Variants in CDH18 observed in about 807,000 individuals in gnomAD.
The protein encoded by CDH18 is cadherin 18.
In CDH18, 31 loss-of-function variants were observed where a neutral mutation model predicts 67.9. The ratio of observed to expected loss-of-function variants is 0.46; its 90% CI spans 0.34 to 0.62. The LOEUF (loss-of-function observed/expected upper bound fraction) is 0.62, where lower values mean the gene tolerates loss of function less well. CDH18 is among the 20% of genes least tolerant of loss of function. The probability of loss-of-function intolerance (pLI) is 0.01; values close to 1 mark genes in which losing one functional copy is unlikely to be tolerated. For synonymous variants in CDH18, 362 were observed against 347.2 expected (o/e 1.04, Z -0.48); for missense variants, 890 against 975.5 (o/e 0.91, Z 1.17).
intron 2 of CDH18, among the ~76,000 whole-genome samples, chr5:20,142,815 A>G (rs1750350870): frequency 6.6e-6 from 1 of 152,156 alleles, no homozygotes. Flanking sequence ...GAAACCAACC[A>G]TGCCAATATC....
At chr5:19,493,537 GGTGTGT>G (rs67879363) in intron 11 of CDH18, among the ~76,000 whole-genome samples, 64 of 147,996 alleles carry the variant, frequency 4.3e-4, no homozygotes, top group East Asian at 3.4e-3. Context: ...AGGGAATTGG[GGTGTGT>G]GTGTGTGTGT....
intron 1 of CDH18, among the ~76,000 whole-genome samples, chr5:20,503,924 G>C (rs532298792): frequency 6.6e-6 from 1 of 152,020 alleles, no homozygotes; most frequent in African/African-American, 2.4e-5. Context: ...TGTAGTCCCA[G>C]CTACTCAGGA....
chr5:19,996,148 T>C (rs1035392043), intron 2 of CDH18, among the ~76,000 whole-genome samples: 5 of 152,158 alleles, frequency 3.3e-5, no homozygotes, highest in South Asian at 2.1e-4. Flanking sequence ...AATGTGCATT[T>C]ATGCCCATTC....
intron 8 of CDH18, among the ~76,000 whole-genome samples, chr5:19,558,509 T>C (rs1404156502): frequency 6.6e-6 from 1 of 152,004 alleles, no homozygotes; most frequent in Non-Finnish European, 1.5e-5. Context: ...TAGGCTATTA[T>C]GAACAACTTT....
intron 1 of CDH18, among the ~76,000 whole-genome samples, chr5:20,503,255 T>A (rs2126452142): frequency 6.6e-6 from 1 of 151,798 alleles, no homozygotes; most frequent in South Asian, 2.1e-4. Flanking sequence ...TTTTTTTACA[T>A]TTTCCCAGCA....
chr5:19,747,280 A>C, intron 3 of CDH18, 44 bp from the exon 4 acceptor site: 1 of 1,501,068 alleles, frequency 6.7e-7, no homozygotes, highest in Non-Finnish European at 9.2e-7. Context: ...TTTATATTCC[A>C]ACCTCACATT....
intron 2 of CDH18, among the ~76,000 whole-genome samples, chr5:20,242,641 T>C (rs1453380024): frequency 1.3e-4 from 18 of 135,738 alleles, no homozygotes; most frequent in African/African-American, 5.5e-4. Context: ...TATGTATATA[T>C]ATATATATAT....
At chr5:19,805,211 G>A (rs1360069147) in intron 3 of CDH18, among the ~76,000 whole-genome samples, 1 of 152,082 alleles carries the variant, frequency 6.6e-6, no homozygotes, top group Non-Finnish European at 1.5e-5. Context: ...GCCTCCCAAA[G>A]TATTGGGATC....
Position 20,028,597 on chromosome 5 carries a change from A to G in CDH18, c.-517-36583T>C, listed in dbSNP as rs148139545. ...CAGGGGATGTATTCCAAGACCCCCA[A>G]TGGATGCCTGAAACCTCAGATAGTT... On this transcript the variant is annotated intron_variant, in intron 2 of 14. Transcript: ENST00000507958. Among the ~76,000 whole-genome samples the G allele has an allele frequency of 5.9e-5, 9 of 152,260 alleles. 1 individual carries two copies. In the East Asian group the frequency reaches 9.7e-4, roughly 16 times the overall value.
At chr5:20,094,061 T>C (rs1745672127) in intron 2 of CDH18, among the ~76,000 whole-genome samples, 1 of 152,094 alleles carries the variant, frequency 6.6e-6, no homozygotes, top group Non-Finnish European at 1.5e-5. Context: ...GACAAGGTCC[T>C]AGGAAATATC....
At chr5:19,505,608 G>A (rs891191788) in intron 10 of CDH18, among the ~76,000 whole-genome samples, 2 of 151,914 alleles carry the variant, frequency 1.3e-5, no homozygotes, top group African/African-American at 4.8e-5. Flanking sequence ...CTGTTTATAT[G>A]CTGGATTAGC....
chr5:20,193,075 C>T (rs10036040), intron 2 of CDH18, among the ~76,000 whole-genome samples: 108,105 of 151,886 alleles, frequency 0.71, 39,462 homozygotes, highest in African/African-American at 0.89. Context: ...CATCTGTTGT[C>T]AGCTGTATTC....
chr5:20,229,199 A>ATT (rs1368508800), intron 2 of CDH18, among the ~76,000 whole-genome samples: 24 of 152,100 alleles, frequency 1.6e-4, no homozygotes, highest in Admixed American at 1.6e-3. Context: ...CAGATTGTTG[A>ATT]TTTAAAAGCC....
At position 20,261,746 on chromosome 5, in the gene CDH18, A is replaced by G. The variant is rs966157269; in HGVS notation, c.-579-6241T>C. Among the ~76,000 whole-genome samples the G allele has an allele frequency of 2.6e-5, 4 of 152,136 alleles. No individual in the cohort carries two copies. In the South Asian group the frequency reaches 6.2e-4, roughly 24 times the overall value. ...ACTCCGTTTAAAAAAAAAAAATGAT[A>G]GAGAAAAATAGTTATATTCTGTGTG... On this transcript the variant is annotated intron_variant, in intron 1 of 14. Coordinates refer to the CDH18 transcript ENST00000507958.
chr5:20,147,570 G>A (rs1002164841), intron 2 of CDH18, among the ~76,000 whole-genome samples: 4 of 152,078 alleles, frequency 2.6e-5, no homozygotes, highest in Non-Finnish European at 4.4e-5. Flanking sequence ...CAATGGCAAC[G>A]ATACATAAAT....
intron 1 of CDH18, among the ~76,000 whole-genome samples, chr5:20,458,676 A>C (rs1396216140): frequency 6.6e-6 from 1 of 152,180 alleles, no homozygotes; most frequent in African/African-American, 2.4e-5. Flanking sequence ...ATTTTATAAA[A>C]GGTTTTACAT....
intron 1 of CDH18, among the ~76,000 whole-genome samples, chr5:20,503,061 T>C (rs1219155806): frequency 6.6e-6 from 1 of 152,162 alleles, no homozygotes; most frequent in Non-Finnish European, 1.5e-5. Flanking sequence ...CTCCAGTTAA[T>C]GTAGTGCTGC....
At chr5:19,523,900 A>C (rs1019708400) in intron 9 of CDH18, among the ~76,000 whole-genome samples, 1 of 152,156 alleles carries the variant, frequency 6.6e-6, no homozygotes, top group Non-Finnish European at 1.5e-5. Context: ...ATGCATTTAT[A>C]TCATACAGAA....
At chr5:20,061,037 A>G (rs890821470) in intron 2 of CDH18, among the ~76,000 whole-genome samples, 1 of 152,010 alleles carries the variant, frequency 6.6e-6, no homozygotes, top group African/African-American at 2.4e-5. Context: ...GCTATTTTAT[A>G]CACGCAAATA....
Sources: gnomAD v4.1 joint callset for allele counts (sites outside exome capture counted in the v4.1 genomes callset) on GRCh38, gnomAD v4.1.1 for gene constraint, MANE v1.5 for transcripts, NCBI Gene and HGNC (gene_info 2026-07-23, HGNC 2026-07-21) for gene names.